The following TENM3 variants were observed in gnomAD, a reference collection of about 807,000 sequenced individuals.
TENM3 encodes the protein teneurin-3.
Under a neutral mutation model 255.1 loss-of-function variants are expected in TENM3, and 63 were observed. The ratio of observed to expected loss-of-function variants is 0.25; its 90% CI spans 0.20 to 0.30. The LOEUF (loss-of-function observed/expected upper bound fraction) is 0.30. Among genes scored for constraint, TENM3 ranks in the 10% least tolerant of loss-of-function variants. The pLI is 1.00. For missense variants in TENM3, 2,929 were observed against 3,461.1 expected, an observed-to-expected ratio of 0.85 and a Z score of 3.86; for synonymous variants, 1,306 against 1,322.3, an observed-to-expected ratio of 0.99 and a Z score of 0.27.
At chr4:182,429,914 G>A (rs1220332961) in intron 3 of TENM3, among the ~76,000 whole-genome samples, 3 of 152,122 alleles carry the variant, frequency 2.0e-5, no homozygotes, top group African/African-American at 4.8e-5. Context: ...AATGACATGC[G>A]TATATTACTC....
In TENM3 at chr4:182,609,675, T is replaced by G. The variant is rs548044612; in HGVS notation, c.749+8514T>G. Among the ~76,000 whole-genome samples, 6 of 152,318 alleles carry G rather than the reference T, an allele frequency of 3.9e-5. No individual in the cohort carries two copies. The South Asian group carries it at 1.2e-3, about 32-fold the overall frequency. On this transcript the variant is annotated intron_variant, in intron 4 of 27. Transcript: ENST00000511685. ...ATTGCTACCGTCTGGTCATGGTGTG[T>G]GGAAAGAAGCATTGGTTTGGGGATA...
the TENM3 span, among the ~76,000 whole-genome samples, chr4:181,595,256 C>T: frequency 9.9e-5 from 15 of 151,908 alleles, no homozygotes; most frequent in African/African-American, 3.4e-4. Flanking sequence ...CATGGTGAAA[C>T]CCCATCTGTA....
chr4:182,779,905 TG>T (rs1282680682), intron 24 of TENM3, among the ~76,000 whole-genome samples: 5 of 152,146 alleles, frequency 3.3e-5, no homozygotes, highest in African/African-American at 1.2e-4. Context: ...TTGATGGGGT[TG>T]TTTTTTTCTT....
chr4:182,738,119 A>G (rs1197859198), intron 17 of TENM3, among the ~76,000 whole-genome samples: 2 of 152,180 alleles, frequency 1.3e-5, no homozygotes, highest in African/African-American at 4.8e-5. Context: ...CGGCTGCCCA[A>G]TCTGGACTTT....
At chr4:182,302,060 C>T (rs1761886209) in intron 1 of TENM3, among the ~76,000 whole-genome samples, 1 of 152,064 alleles carries the variant, frequency 6.6e-6, no homozygotes. Context: ...ACCCTGCTAG[C>T]CAATTAGAGT....
At chr4:182,075,687 T>G in the TENM3 span, among the ~76,000 whole-genome samples, 2 of 152,178 alleles carry the variant, frequency 1.3e-5, no homozygotes, top group African/African-American at 4.8e-5. Flanking sequence ...CTTCTGTCAT[T>G]GCTCTGGACA....
the TENM3 span, among the ~76,000 whole-genome samples, chr4:181,944,019 T>A: frequency 6.6e-6 from 1 of 152,204 alleles, no homozygotes; most frequent in Non-Finnish European, 1.5e-5. Flanking sequence ...GAACTGGTTT[T>A]GTCCAGTTCT....
chr4:182,338,821 G>A (rs76653727), intron 2 of TENM3, among the ~76,000 whole-genome samples: 24,259 of 151,892 alleles, frequency 0.16, 2,462 homozygotes, highest in Non-Finnish European at 0.23. Context: ...TAACCATTCA[G>A]ACATGTTGGA....
the TENM3 span, among the ~76,000 whole-genome samples, chr4:182,010,445 T>C: frequency 2.6e-5 from 4 of 151,514 alleles, no homozygotes; most frequent in Non-Finnish European, 2.9e-5. Context: ...ATATTACATA[T>C]ATAATTATAC....
intron 3 of TENM3, among the ~76,000 whole-genome samples, chr4:182,580,240 A>G (rs1405162377): frequency 4.6e-5 from 7 of 152,050 alleles, no homozygotes; most frequent in Non-Finnish European, 8.8e-5. Flanking sequence ...GTGTAATGCT[A>G]TTTTGGAAGT....
At chr4:182,660,588 A>C (rs1754147231) in intron 6 of TENM3, among the ~76,000 whole-genome samples, 2 of 152,212 alleles carry the variant, frequency 1.3e-5, no homozygotes, top group African/African-American at 4.8e-5. Flanking sequence ...TTCATAGCAA[A>C]ATTTTAAGAA....
chr4:181,754,284 TCA>T, the TENM3 span, among the ~76,000 whole-genome samples: 15,159 of 144,532 alleles, frequency 0.1, 2,055 homozygotes, highest in African/African-American at 0.32. Context: ...TATATCCCAG[TCA>T]CACACACACA....
the TENM3 span, among the ~76,000 whole-genome samples, chr4:181,930,734 T>C: frequency 6.6e-6 from 1 of 152,134 alleles, no homozygotes; most frequent in Non-Finnish European, 1.5e-5. Flanking sequence ...TTCAGGCCAA[T>C]ATCCCTGATG....
chr4:181,715,022 G>T, the TENM3 span, among the ~76,000 whole-genome samples: 3 of 152,142 alleles, frequency 2.0e-5, no homozygotes, highest in African/African-American at 7.2e-5. Context: ...TTAAGATTTT[G>T]CTGGCATATT....
At chr4:181,868,658 G>T in the TENM3 span, among the ~76,000 whole-genome samples, 3 of 152,168 alleles carry the variant, frequency 2.0e-5, no homozygotes, top group Non-Finnish European at 4.4e-5. Context: ...TAAAGCAAAA[G>T]ATTGTCTTTT....
chr4:182,199,714 T>A, intron 1 of TENM3, among the ~76,000 whole-genome samples: 1 of 144,486 alleles, frequency 6.9e-6, no homozygotes, highest in Non-Finnish European at 1.5e-5. Flanking sequence ...TTGTGGAACA[T>A]CATTGCTTTT....
intron 1 of TENM3, among the ~76,000 whole-genome samples, chr4:182,307,158 G>T (rs994410170): frequency 1.3e-5 from 2 of 152,144 alleles, no homozygotes; most frequent in Non-Finnish European, 2.9e-5. Context: ...CAGGATAATG[G>T]TAATTGTGAA....
chr4:182,308,948 C>G (rs867307885), intron 1 of TENM3, among the ~76,000 whole-genome samples: 1 of 152,120 alleles, frequency 6.6e-6, no homozygotes, highest in Non-Finnish European at 1.5e-5. Context: ...TGGAATCCTC[C>G]GAGTAAGCAC....
the TENM3 span, among the ~76,000 whole-genome samples, chr4:181,644,432 T>TAAA: frequency 1.4e-5 from 2 of 146,302 alleles, no homozygotes; most frequent in African/African-American, 5.0e-5. Flanking sequence ...TCTCTTATCT[T>TAAA]AAAAAAAAAA....
Sources: allele counts gnomAD v4.1 joint callset (sites outside exome capture counted in the v4.1 genomes callset), GRCh38; gene constraint gnomAD v4.1.1; transcripts MANE v1.5; gene names NCBI Gene and HGNC (gene_info 2026-07-23, HGNC 2026-07-21).